Variants in HAUS1 observed in about 807,000 individuals in gnomAD.
The protein encoded by HAUS1 is HAUS augmin-like complex subunit 1.
HAUS1 carries 25 observed loss-of-function variants against 38.6 expected under a neutral mutation model. The observed-to-expected ratio is 0.65, with a 90% CI of 0.47 to 0.91. HAUS1 has a LOEUF of 0.91. Among genes scored for constraint, HAUS1 ranks in the 40% least tolerant of loss-of-function variants. The pLI, the probability that HAUS1 is intolerant of heterozygous loss-of-function variation, is 0.00. For missense variants in HAUS1, 325 were observed against 328.4 expected (o/e 0.99, Z 0.08); for synonymous variants, 109 against 112.9 (o/e 0.97, Z 0.22).
chr18:46,105,755 T>C (rs1167169353), intron 2 of HAUS1, among the ~76,000 whole-genome samples: 2 of 151,986 alleles, frequency 1.3e-5, no homozygotes, highest in Admixed American at 1.3e-4. Flanking sequence ...CTAATTTTTG[T>C]GTTTTAGTAA....
chr18:46,121,419 A>G (rs980316652), intron 4 of HAUS1, among the ~76,000 whole-genome samples: 6 of 151,812 alleles, frequency 4.0e-5, no homozygotes. Flanking sequence ...CTCGAACTTC[A>G]TGTCACATTT....
chr18:46,108,345 T>G (rs755629303), intron 2 of HAUS1, among the ~76,000 whole-genome samples: 4 of 151,572 alleles, frequency 2.6e-5, no homozygotes, highest in Non-Finnish European at 4.4e-5. Flanking sequence ...AGACAGTGTT[T>G]CACCGTGTTG....
At position 46,125,546 on chromosome 18, in the gene HAUS1, C is replaced by CAAA. The variant is rs34079682; in HGVS notation, c.739-184_739-182dup. On this transcript the variant is annotated intron_variant, in intron 7 of 8. Transcript: ENST00000282058. ...TGGGCAACAGAGTGAGACTCTGTCT[C>CAAA]AAAAAAAAAAAAAAAAGAAAGAAAA... 9.4e-4 allele frequency among the ~76,000 whole-genome samples: 115 copies of CAAA among 122,962 alleles called. 3 individuals carry two copies. The highest frequency in any genetic ancestry group is 7.7e-4 in the Admixed American group (9 of 11,672). The allele number at this position is 122,962 out of a possible 152,430, so 80.7% of individuals were successfully genotyped here.
chr18:46,123,193 A>T (rs1430402758), intron 5 of HAUS1, 106 bp from the exon 6 acceptor site: 1 of 748,224 alleles, frequency 1.3e-6, no homozygotes, highest in African/African-American at 1.8e-5. Context: ...CCTGGGTGAC[A>T]GAGCAAGACT....
intron 2 of HAUS1, among the ~76,000 whole-genome samples, chr18:46,117,235 A>G (rs1911818723): frequency 6.6e-6 from 1 of 152,236 alleles, no homozygotes; most frequent in Non-Finnish European, 1.5e-5. Flanking sequence ...TTTACTGAAT[A>G]AATGTTTTTA....
At chr18:46,122,734 A>G in intron 5 of HAUS1, 144 bp downstream of exon 5, 1 of 842,978 alleles carries the variant, frequency 1.2e-6, no homozygotes, top group South Asian at 1.8e-5. Flanking sequence ...CATAGCTATT[A>G]CAGTAAGCAG....
At chr18:46,104,577 C>G in intron 1 of HAUS1, 136 bp downstream of exon 1, 3 of 675,980 alleles carry the variant, frequency 4.4e-6, no homozygotes, top group Non-Finnish European at 4.5e-6. Context: ...TTTAGTGCCG[C>G]CGTCACTATC....
chr18:46,108,285 T>TG (rs1458095028), intron 2 of HAUS1, among the ~76,000 whole-genome samples: 1 of 151,226 alleles, frequency 6.6e-6, no homozygotes, highest in East Asian at 1.9e-4. Context: ...TTTTTTTTTT[T>TG]TTTTTGGTAA....
At chr18:46,119,557 G>A (rs1911883338) in intron 3 of HAUS1, among the ~76,000 whole-genome samples, 1 of 151,956 alleles carries the variant, frequency 6.6e-6, no homozygotes. Flanking sequence ...AGATGAATAC[G>A]ATAGTAACTT....
chr18:46,125,871 C>A, intron 8 of HAUS1, 80 bp downstream of exon 8: 1 of 866,790 alleles, frequency 1.2e-6, no homozygotes, highest in Non-Finnish European at 1.9e-6. Context: ...CTTCATCCTT[C>A]TTTCCTTTCT....
rs1555697646 is a variant in HAUS1, at chr18:46,112,962, G to GTATA, written c.206-5215_206-5212dup. Reference sequence around the variant, plus strand: ...ATAATATATATAATATATATAATATGTATATATTCCATATTATATATATAA... The same window carrying GTATA: ...ATAATATATATAATATATATAATATGTATATATATATTCCATATTATATATATAA... On this transcript the variant is annotated intron_variant, in intron 2 of 8. Coordinates refer to ENST00000282058, the MANE Select transcript of HAUS1 (RefSeq NM_138443.4). Among the ~76,000 whole-genome samples, 49 of 53,740 alleles carry GTATA rather than the reference G, an allele frequency of 9.1e-4. 1 individual carries two copies. Among genetic ancestry groups the GTATA allele is most frequent in the African/African-American group, 4.0e-3 (49 of 12,166 alleles). 35.3% of individuals were successfully genotyped at this position (53,740 alleles called of 152,430 possible).
intron 3 of HAUS1, among the ~76,000 whole-genome samples, chr18:46,119,429 TA>T (rs777425626): frequency 4.6e-5 from 7 of 152,012 alleles, no homozygotes; most frequent in Admixed American, 2.6e-4. Context: ...TTTTTACAAA[TA>T]ATGTGTATTT....
intron 6 of HAUS1, 63 bp from the exon 7 acceptor site, chr18:46,124,759 G>C: frequency 2.5e-6 from 2 of 807,826 alleles, no homozygotes; most frequent in Non-Finnish European, 4.1e-6. Flanking sequence ...TTTCAGAAAT[G>C]GACAGTATTA....
At position 46,125,778 on chromosome 18, in the gene HAUS1, C is replaced by A; in HGVS notation, c.773C>A (p.Ala258Glu). 1.2e-6 allele frequency: 2 copies of A among 1,600,442 alleles called. No homozygotes were observed. Among genetic ancestry groups the A allele is most frequent in the Non-Finnish European group, 1.7e-6 (2 of 1,170,778 alleles). The change falls in exon 8 of 9, where the codon GCA (alanine) becomes GAA (glutamate). Residue 258 changes from alanine (A) to glutamate (E), a missense_variant. Transcript: ENST00000282058. ...CTTGCTCAAGTGAAAATTGAAGAAG[C>A]AAAGCGAGAACTAGTAAGTAGTTCC... Reference protein sequence around the residue: ...PSLAQVKIEEAKRELDSIEAE... With the variant: ...PSLAQVKIEEEKRELDSIEAE...
intron 6 of HAUS1, among the ~76,000 whole-genome samples, chr18:46,124,340 T>C (rs1002522052): frequency 6.8e-6 from 1 of 147,976 alleles, no homozygotes; most frequent in Non-Finnish European, 1.5e-5. Flanking sequence ...TCACTTGAAC[T>C]CAGGGGGCGG....
intron 2 of HAUS1, among the ~76,000 whole-genome samples, chr18:46,112,986 A>AAT (rs59054651): frequency 0.53 from 44,064 of 83,860 alleles, 13,625 homozygotes; most frequent in African/African-American, 0.66. Context: ...TTATATATAT[A>AAT]ATATATATTC....
chr18:46,119,683 G>A (rs374400199), intron 3 of HAUS1, among the ~76,000 whole-genome samples: 72 of 152,296 alleles, frequency 4.7e-4, no homozygotes, highest in African/African-American at 1.7e-3. Context: ...GTAGCACAGA[G>A]AAGGAGGTAG....
chr18:46,125,857 T>C (rs1912089856), intron 8 of HAUS1, 66 bp downstream of exon 8: 2 of 969,700 alleles, frequency 2.1e-6, no homozygotes, highest in Non-Finnish European at 3.2e-6. Context: ...ATAGCTAAAG[T>C]CTTCTTCATC....
intron 2 of HAUS1, among the ~76,000 whole-genome samples, chr18:46,106,364 A>G (rs1199708293): frequency 1.3e-5 from 2 of 152,036 alleles, no homozygotes; most frequent in Admixed American, 6.6e-5. Flanking sequence ...AGCTGCTCGG[A>G]AGGCTGAGGC....
Sources: allele counts gnomAD v4.1 joint callset (sites outside exome capture counted in the v4.1 genomes callset), GRCh38; gene constraint gnomAD v4.1.1; transcripts MANE v1.5; gene names NCBI Gene and HGNC (gene_info 2026-07-23, HGNC 2026-07-21).